The following BIRC6 variants were observed in gnomAD, a reference collection of about 807,000 sequenced individuals.
BIRC6 encodes baculoviral IAP repeat containing 6.
Under a neutral mutation model 503.3 loss-of-function variants are expected in BIRC6, and 98 were observed. That is an observed-to-expected ratio of 0.19 (90% CI 0.17 to 0.23). The LOEUF is 0.23. BIRC6 is among the 10% of genes least tolerant of loss of function. The pLI, the probability that BIRC6 is intolerant of heterozygous loss-of-function variation, is 1.00. For synonymous variants in BIRC6, 2,240 were observed against 2,078.7 expected, an observed-to-expected ratio of 1.08 and a Z score of -2.11; for missense variants, 5,360 against 5,806.0, an observed-to-expected ratio of 0.92 and a Z score of 2.50.
intron 1 of BIRC6, among the ~76,000 whole-genome samples, chr2:32,364,277 A>T (rs2034550477): frequency 6.6e-6 from 1 of 152,072 alleles, no homozygotes; most frequent in African/African-American, 2.4e-5. Context: ...ACATATTGAG[A>T]TGGAGTCTTG....
chr2:32,443,519 G>C lies in BIRC6; in HGVS notation c.4267G>C (p.Ala1423Pro), dbSNP rs1259081870. 1 of 1,608,610 alleles carries C rather than the reference G, an allele frequency of 6.2e-7. No individual in the cohort carries two copies. Among genetic ancestry groups the C allele is most frequent in the Admixed American group, 1.7e-5 (1 of 59,326 alleles). Residue 1423 changes from alanine (A) to proline (P), a missense_variant, in exon 20 of 74, where the codon GCA (alanine) becomes CCA (proline). Physicochemically the swap from Ala to Pro is conservative, Grantham distance 27. Around this residue, in one of 16 missense-constraint regions of BIRC6, gnomAD observed 2,299 missense variants for 2,267.2 expected, o/e 1.01. Transcript: ENST00000421745. ...TGGCAAATGTGACCCATGTCAACCAGCATTTGGACCTGTTCTGTTGAAGGC... is the reference window on the plus strand; with the variant it reads ...TGGCAAATGTGACCCATGTCAACCACCATTTGGACCTGTTCTGTTGAAGGC... ...SNGKCDPCQP[A>P]FGPVLLKALL...
chr2:32,487,034 AAAT>A (rs2051076945), intron 40 of BIRC6, among the ~76,000 whole-genome samples: 2 of 152,146 alleles, frequency 1.3e-5, no homozygotes, highest in Non-Finnish European at 2.9e-5. Flanking sequence ...ATAAAAAAGA[AAAT>A]CTGTTTGAAA....
chr2:32,529,919 A>G (rs6724235), intron 60 of BIRC6, 95 bp downstream of exon 60: 158,694 of 778,072 alleles, frequency 0.2, 17,256 homozygotes, highest in Admixed American at 0.27. Flanking sequence ...TGTTTTTATT[A>G]TATCAACATA....
intron 59 of BIRC6, among the ~76,000 whole-genome samples, 153 bp downstream of exon 59, chr2:32,525,781 A>T (rs1328918384): frequency 6.6e-6 from 1 of 152,220 alleles, no homozygotes; most frequent in Non-Finnish European, 1.5e-5. Context: ...CTCCGAAGAG[A>T]AGTGAGAGCA....
Position 32,414,791 on chromosome 2 carries a change from C to A in BIRC6, c.1500C>A (p.Ala500=), listed in dbSNP as rs769707654. The A allele has an allele frequency of 4.3e-6, 7 of 1,612,810 alleles. No homozygotes were observed. Among genetic ancestry groups the A allele is most frequent in the Non-Finnish European group, 5.9e-6 (7 of 1,179,140 alleles). ...SVTGHTSQKE[A]MEVSLDITAL... ...AAGGGCATACATCACAGAAGGAAGC[C>A]ATGGAAGTAAGCCTTGATATAACAG... Residue 500 remains alanine, a synonymous_variant, in exon 10 of 74, where the codon GCC becomes GCA. Transcript: ENST00000421745.
intron 1 of BIRC6, among the ~76,000 whole-genome samples, chr2:32,362,548 G>A (rs2034281020): frequency 6.6e-6 from 1 of 151,846 alleles, no homozygotes; most frequent in South Asian, 2.1e-4. Context: ...TCGATCTCTT[G>A]ACCTCATGAT....
intron 65 of BIRC6, among the ~76,000 whole-genome samples, chr2:32,570,791 G>T (rs12612735): frequency 3.9e-5 from 6 of 151,902 alleles, no homozygotes; most frequent in East Asian, 1.9e-4. Flanking sequence ...GAGCCATCAC[G>T]CTCGGCCTAT....
chr2:32,438,170 C>T (rs1180200244), intron 15 of BIRC6, among the ~76,000 whole-genome samples: 1 of 152,078 alleles, frequency 6.6e-6, no homozygotes, highest in East Asian at 1.9e-4. Context: ...TTAGAATATA[C>T]TAAGATATTT....
At chr2:32,581,010 C>G (rs370550621) in intron 66 of BIRC6, among the ~76,000 whole-genome samples, 1 of 152,152 alleles carries the variant, frequency 6.6e-6, no homozygotes, top group Non-Finnish European at 1.5e-5. Context: ...TATACGAATC[C>G]GACGTCTACA....
chr2:32,586,355 G>A (rs2061024273), intron 66 of BIRC6, among the ~76,000 whole-genome samples: 1 of 149,708 alleles, frequency 6.7e-6, no homozygotes, highest in Non-Finnish European at 1.5e-5. Context: ...TTATCAAATG[G>A]CATTATATGA....
chr2:32,594,948 TC>T (rs2061590406), intron 67 of BIRC6, 85 bp from the exon 68 acceptor site: 4 of 832,068 alleles, frequency 4.8e-6, no homozygotes, highest in Non-Finnish European at 7.1e-6. Flanking sequence ...CAATTTGAAC[TC>T]TAGAGGTGAA....
chr2:32,464,566 T>G lies in BIRC6; in HGVS notation c.4999T>G (p.Ser1667Ala). 1.2e-6 allele frequency: 2 copies of G among 1,608,262 alleles called. No homozygotes were observed. The highest frequency in any genetic ancestry group is 1.7e-6 in the Non-Finnish European group (2 of 1,176,764). ...QTTAAAAAAA[S>A]AVGPVHNSVP... Reference sequence around the variant, plus strand: ...AACAGCTGCAGCAGCTGCAGCAGCATCAGCAGTAGGTCCTGTTCACAACTC... The same window carrying G: ...AACAGCTGCAGCAGCTGCAGCAGCAGCAGCAGTAGGTCCTGTTCACAACTC... Residue 1667 changes from serine (S) to alanine (A), a missense_variant, in exon 25 of 74, where the codon TCA becomes GCA. Transcript: ENST00000421745.
At chr2:32,369,939 AAAAAAAATATATAT>A (rs2035564857) in intron 1 of BIRC6, among the ~76,000 whole-genome samples, 2 of 53,262 alleles carry the variant, frequency 3.8e-5, no homozygotes, top group African/African-American at 2.0e-4. Context: ...AAAAAAAAAA[AAAAAAAATATATAT>A]ATATATATAT....
In BIRC6 at chr2:32,463,304, C is replaced by CAT; in HGVS notation, c.4865_4866dup (p.Ala1623MetfsTer21). On this transcript the variant is annotated frameshift_variant, in exon 24 of 74. Transcript: ENST00000421745. LOFTEE classifies it high-confidence loss of function. ...CCAGGTAGCTTTGCAGTCTCTCTCTCATGCAATGGCTTCAGCCGAGCAACA... is the reference window on the plus strand; with the variant it reads ...CCAGGTAGCTTTGCAGTCTCTCTCTCATATGCAATGGCTTCAGCCGAGCAACA... 1 of 1,613,888 alleles carries CAT rather than the reference C, an allele frequency of 6.2e-7. No individual in the cohort carries two copies. Among genetic ancestry groups the CAT allele is most frequent in the Non-Finnish European group, 8.5e-7 (1 of 1,179,830 alleles).
chr2:32,508,275 CCTT>C lies in BIRC6; in HGVS notation c.9980+17_9980+19del. Reference sequence around the variant, plus strand: ...CCAAAACAAGGTATGTTTTGTTTGTCCTTTTTTTTTTTTTTTTTTTTTTTTTTT... The same window carrying C: ...CCAAAACAAGGTATGTTTTGTTTGTCTTTTTTTTTTTTTTTTTTTTTTTTT... On this transcript the variant is annotated intron_variant, in intron 51 of 73. Transcript: ENST00000421745. 21 of 577,758 alleles carry C rather than the reference CCTT, an allele frequency of 3.6e-5. No individual in the cohort carries two copies. The highest frequency in any genetic ancestry group is 3.3e-4 in the South Asian group (6 of 18,134). The allele number at this position is 577,758 out of a possible 1,614,324, so 35.8% of individuals were successfully genotyped here. A position where few individuals can be genotyped will look rare whatever the true frequency, so the allele number is the denominator to read the frequency against.
chr2:32,364,589 C>A (rs909805410), intron 1 of BIRC6, among the ~76,000 whole-genome samples: 1 of 151,928 alleles, frequency 6.6e-6, no homozygotes, highest in Non-Finnish European at 1.5e-5. Context: ...TTCTTTGTAT[C>A]TTTTTTCTTT....
At chr2:32,468,906 T>G (rs1230526856) in intron 29 of BIRC6, 123 bp downstream of exon 29, 1 of 709,706 alleles carries the variant, frequency 1.4e-6, no homozygotes, top group Non-Finnish European at 2.2e-6. Flanking sequence ...AATGTCAGTA[T>G]TTATGAAATG....
chr2:32,424,795 G>A (rs1392693975), intron 10 of BIRC6, among the ~76,000 whole-genome samples: 1 of 152,088 alleles, frequency 6.6e-6, no homozygotes, highest in Non-Finnish European at 1.5e-5. Flanking sequence ...TTACAGGTGT[G>A]AGCCACCGCG....
chr2:32,534,660 G>A (rs2057058232), intron 61 of BIRC6, among the ~76,000 whole-genome samples: 1 of 145,900 alleles, frequency 6.9e-6, no homozygotes, highest in Admixed American at 7.0e-5. Context: ...GAACCCAGGA[G>A]GCAGAGGCTG....
Sources: gnomAD v4.1 joint callset for allele counts (sites outside exome capture counted in the v4.1 genomes callset) on GRCh38, gnomAD v4.1.1 for gene constraint, gnomAD v4.1.1 regional missense constraint, MANE v1.5 for transcripts, NCBI Gene and HGNC (gene_info 2026-07-23, HGNC 2026-07-21) for gene names.